The following VSIG10 variants were observed in gnomAD, a reference collection of about 807,000 sequenced individuals.
VSIG10 encodes V-set and immunoglobulin domain containing 10, also known as V-set and immunoglobulin domain-containing protein 10.
VSIG10 carries 48 observed loss-of-function variants against 58.7 expected under a neutral mutation model. That is an observed-to-expected ratio of 0.82 (90% CI 0.65 to 1.04). VSIG10 has a LOEUF of 1.04. VSIG10 is among the 50% of genes least tolerant of loss of function. VSIG10 has a pLI of 0.00. For synonymous variants in VSIG10, 260 were observed against 267.1 expected (o/e 0.97, Z 0.26); for missense variants, 628 against 670.0 (o/e 0.94, Z 0.69).
intron 7 of VSIG10, 142 bp from the exon 8 acceptor site, chr12:118,068,739 G>A: frequency 2.7e-6 from 3 of 1,093,680 alleles, no homozygotes; most frequent in Non-Finnish European, 2.5e-6. Context: ...TGAGGTGATG[G>A]TGTGGTAACC....
Position 118,100,279 on chromosome 12 carries a change from C to T in VSIG10, c.79+3314G>A, listed in dbSNP as rs539088348. On this transcript the variant is annotated intron_variant, in intron 1 of 8. Coordinates refer to ENST00000359236, the MANE Select transcript of VSIG10 (RefSeq NM_019086.6). Reference sequence around the variant, plus strand: ...CAGCACTTTGGGAGGCCAAGGTGGGCAAGATCAAGAGCTCGGGACCAGCCT... The same window carrying T: ...CAGCACTTTGGGAGGCCAAGGTGGGTAAGATCAAGAGCTCGGGACCAGCCT... Among the ~76,000 whole-genome samples, 6 of 151,744 alleles carry T rather than the reference C, an allele frequency of 4.0e-5. 1 individual carries two copies. The highest frequency in any genetic ancestry group is 1.4e-4 in the African/African-American group (6 of 41,414).
chr12:118,097,639 C>G (rs2137954210), intron 1 of VSIG10, among the ~76,000 whole-genome samples: 1 of 150,168 alleles, frequency 6.7e-6, no homozygotes, highest in Admixed American at 6.7e-5. Context: ...AACAAACAAA[C>G]AAACAAAAGG....
rs1486528841 is a variant in VSIG10 at position 118,069,107 on chromosome 12, C to T, written c.1347-510G>A. 4.1e-5 allele frequency among the ~76,000 whole-genome samples: 6 copies of T among 147,982 alleles called. No homozygotes were observed. In the East Asian group the frequency reaches 6.9e-4, roughly 17 times the overall value. The stretch of plus-strand genomic sequence containing the variant: ...ATACATTTCTTTTTTTTTTCTTTTT[C>T]GGGATAGAGTCTTGCGCTGTTGCCC... On this transcript the variant is annotated intron_variant, in intron 7 of 8. Coordinates refer to ENST00000359236, the MANE Select transcript of VSIG10 (RefSeq NM_019086.6).
intron 2 of VSIG10, among the ~76,000 whole-genome samples, chr12:118,095,225 G>A (rs2033413412): frequency 6.6e-6 from 1 of 151,746 alleles, no homozygotes; most frequent in African/African-American, 2.4e-5. Context: ...ATTTTTAATA[G>A]AGATGGGGTT....
At chr12:118,099,877 G>A (rs1177484019) in intron 1 of VSIG10, among the ~76,000 whole-genome samples, 3 of 152,156 alleles carry the variant, frequency 2.0e-5, no homozygotes, top group Admixed American at 6.6e-5. Flanking sequence ...CCAGCCTGGA[G>A]CCCCAGGAAG....
At chr12:118,100,231 G>A (rs557331702) in intron 1 of VSIG10, among the ~76,000 whole-genome samples, 31 of 152,148 alleles carry the variant, frequency 2.0e-4, no homozygotes, top group Non-Finnish European at 4.0e-4. Flanking sequence ...ATGGCCGGGC[G>A]TGGTGGCTCC....
chr12:118,067,256 T>C (rs901658854), intron 8 of VSIG10, among the ~76,000 whole-genome samples: 1 of 152,066 alleles, frequency 6.6e-6, no homozygotes, highest in Non-Finnish European at 1.5e-5. Context: ...ACTCCTGAGC[T>C]CCAGCGATCC....
chr12:118,073,073 T>G (rs1011997345), intron 5 of VSIG10, among the ~76,000 whole-genome samples: 1 of 152,126 alleles, frequency 6.6e-6, no homozygotes, highest in Non-Finnish European at 1.5e-5. Flanking sequence ...CCTCCCAGAT[T>G]CAAGCAATTC....
In VSIG10 at chr12:118,079,340, ACTC is replaced by A; in HGVS notation, c.925+3_925+5del. The A allele has an allele frequency of 6.2e-7, 1 of 1,612,192 alleles. No homozygotes were observed. The highest frequency in any genetic ancestry group is 8.5e-7 in the Non-Finnish European group (1 of 1,178,506). On this transcript the variant is annotated splice_donor_5th_base_variant and intron_variant, in intron 4 of 8. Coordinates refer to ENST00000359236, the MANE Select transcript of VSIG10 (RefSeq NM_019086.6). ...CCAACCCCAAGACAAAGCAAAACAG[ACTC>A]ACTGATCTGCACCATGCAGCTGGCG...
At chr12:118,083,505 G>A (rs1245937436) in intron 2 of VSIG10, among the ~76,000 whole-genome samples, 1 of 152,086 alleles carries the variant, frequency 6.6e-6, no homozygotes, top group Admixed American at 6.6e-5. Flanking sequence ...TTGAACCTGG[G>A]AGGAAGAGGT....
chr12:118,096,286 C>CA (rs1334782773), intron 1 of VSIG10, among the ~76,000 whole-genome samples: 1 of 149,840 alleles, frequency 6.7e-6, no homozygotes, highest in Non-Finnish European at 1.5e-5. Flanking sequence ...AATAAAAATA[C>CA]AAAAAATTGT....
At chr12:118,095,368 C>T (rs1023772904) in intron 2 of VSIG10, among the ~76,000 whole-genome samples, 165 bp downstream of exon 2, 1 of 152,124 alleles carries the variant, frequency 6.6e-6, no homozygotes, top group African/African-American at 2.4e-5. Flanking sequence ...CTCCATTTTA[C>T]AGGTGAGGAA....
At chr12:118,088,281 A>G (rs530632807) in intron 2 of VSIG10, among the ~76,000 whole-genome samples, 1 of 151,278 alleles carries the variant, frequency 6.6e-6, no homozygotes, top group South Asian at 2.1e-4. Context: ...AAACTGGTTG[A>G]TTGTTGAGAA....
rs2032177203 is a variant in VSIG10, at chr12:118,064,378, G to C, written c.*2261C>G. 2 of 151,614 alleles carry C rather than the reference G, an allele frequency of 1.3e-5. No individual in the cohort carries two copies. Among genetic ancestry groups the C allele is most frequent in the Non-Finnish European group, 2.9e-5 (2 of 68,002 alleles). 9.4% of individuals were successfully genotyped at this position (151,614 alleles called of 1,614,324 possible). ...CAACAGATGTGTGTGCTAGAGAAGA[G>C]GAAGTTGTGGAAAATATCCCAGTGA... On this transcript the variant is annotated 3_prime_UTR_variant, in exon 9 of 9. Transcript: ENST00000359236.
chr12:118,081,183 C>A (rs2032935698), intron 3 of VSIG10, among the ~76,000 whole-genome samples: 1 of 151,918 alleles, frequency 6.6e-6, no homozygotes, highest in Admixed American at 6.6e-5. Flanking sequence ...AAGGTGGAGG[C>A]TGCAGTGAGC....
chr12:118,073,739 AG>A lies in VSIG10; in HGVS notation c.1178del (p.Pro393LeufsTer2), dbSNP rs749042729. ...AGATTTCCATCTCCCTCACCCCTACAGGGCTGTCAGCTCGGCAGATGTAGTA... is the reference window on the plus strand; with the variant it reads ...AGATTTCCATCTCCCTCACCCCTACAGGCTGTCAGCTCGGCAGATGTAGTA... ...EGYYICRADS[P>X]VGVREMEIWL... On this transcript the variant is annotated frameshift_variant, in exon 5 of 9. Transcript: ENST00000359236. LOFTEE classifies it high-confidence loss of function. The A allele has an allele frequency of 8.7e-6, 14 of 1,613,688 alleles. No individual in the cohort carries two copies. The highest frequency in any genetic ancestry group is 1.1e-5 in the Non-Finnish European group (13 of 1,179,826).
In VSIG10 at chr12:118,064,328, G is replaced by A. The variant is rs1284997461; in HGVS notation, c.*2311C>T. ...GACCATGAAGCTCCCATTTGGTAGT[G>A]GAAAAACCCTCAAATATTTCCTATC... On this transcript the variant is annotated 3_prime_UTR_variant, in exon 9 of 9. Transcript: ENST00000359236. 1 of 152,078 alleles carries A rather than the reference G, an allele frequency of 6.6e-6. No homozygotes were observed. The highest frequency in any genetic ancestry group is 1.9e-4 in the East Asian group (1 of 5,192). The allele number at this position is 152,078 out of a possible 1,614,324, so 9.4% of individuals were successfully genotyped here.
Position 118,066,518 on chromosome 12 carries a change from A to C in VSIG10, c.*121T>G. The C allele has an allele frequency of 1.9e-6, 2 of 1,066,940 alleles. No homozygotes were observed. The highest frequency in any genetic ancestry group is 2.6e-5 in the South Asian group (2 of 77,730). 66.1% of individuals were successfully genotyped at this position (1,066,940 alleles called of 1,614,324 possible). ...TTGGTTTTGTTTTTTGCTGAGACCC[A>C]AACATTGTTAGTGCAAGCCCCCGCC... On this transcript the variant is annotated 3_prime_UTR_variant, in exon 9 of 9. Coordinates refer to ENST00000359236, the MANE Select transcript of VSIG10 (RefSeq NM_019086.6).
intron 3 of VSIG10, 35 bp from the exon 4 acceptor site, chr12:118,079,641 A>G: frequency 1.2e-6 from 2 of 1,609,764 alleles, no homozygotes; most frequent in Non-Finnish European, 1.7e-6. Context: ...GGGCTGAATC[A>G]CAGACTCTAG....
Sources: gnomAD v4.1 joint callset for allele counts (sites outside exome capture counted in the v4.1 genomes callset) on GRCh38, gnomAD v4.1.1 for gene constraint, MANE v1.5 for transcripts, NCBI Gene and HGNC (gene_info 2026-07-23, HGNC 2026-07-21) for gene names.